Variants in RBPMS observed in about 807,000 individuals in gnomAD.
RBPMS encodes RNA-binding protein with multiple splicing.
RBPMS carries 7 observed loss-of-function variants against 26.8 expected under a neutral mutation model. That is an observed-to-expected ratio of 0.26 (90% CI 0.15 to 0.49). RBPMS has a LOEUF of 0.49. Ranked by LOEUF, RBPMS falls within the 20% of genes least tolerant of loss-of-function variation. The pLI, the probability that RBPMS is intolerant of heterozygous loss-of-function variation, is 0.98. For synonymous variants in RBPMS, 96 were observed against 93.3 expected, an observed-to-expected ratio of 1.03 and a Z score of -0.17; for missense variants, 186 against 250.0, an observed-to-expected ratio of 0.74 and a Z score of 1.73.
chr8:30,412,210 AG>A (rs2150583947), intron 1 of RBPMS, among the ~76,000 whole-genome samples: 1 of 152,294 alleles, frequency 6.6e-6, no homozygotes, highest in South Asian at 2.1e-4. Context: ...TGATAGTAGC[AG>A]GGCTTTCACA....
intron 1 of RBPMS, among the ~76,000 whole-genome samples, chr8:30,455,846 C>T (rs1161367084): frequency 5.9e-5 from 9 of 152,096 alleles, no homozygotes; most frequent in African/African-American, 9.6e-5. Context: ...GCTGAGATCA[C>T]GCCACTGCAC....
intron 5 of RBPMS, among the ~76,000 whole-genome samples, chr8:30,507,211 T>C (rs562915444): frequency 5.4e-4 from 83 of 152,360 alleles, no homozygotes; most frequent in Non-Finnish European, 1.1e-3. Context: ...TCGATAATTC[T>C]GCCAATTATT....
In RBPMS at chr8:30,555,951, G is replaced by A. The variant is rs895833298; in HGVS notation, c.529-2936G>A. On this transcript the variant is annotated intron_variant, in intron 6 of 8. Transcript: ENST00000397323. The stretch of plus-strand genomic sequence containing the variant: ...GCCCGAACTCTGCTGTGCACCATGA[G>A]CCCTGCCGCTCTGCCGGCTGTGGTG... 4.1e-6 allele frequency: 4 copies of A among 985,328 alleles called. No homozygotes were observed. The African/African-American group carries it at 5.2e-5, about 13-fold the overall frequency. The allele number at this position is 985,328 out of a possible 1,614,324, so 61.0% of individuals were successfully genotyped here. A position where few individuals can be genotyped will look rare whatever the true frequency, so the allele number is the denominator to read the frequency against.
chr8:30,451,837 G>A (rs146360824), intron 1 of RBPMS, among the ~76,000 whole-genome samples: 3 of 152,218 alleles, frequency 2.0e-5, no homozygotes, highest in Non-Finnish European at 2.9e-5. Context: ...ACTGGGGGAC[G>A]GCAGGCAAAT....
intron 1 of RBPMS, among the ~76,000 whole-genome samples, chr8:30,431,651 G>T (rs552602360): frequency 6.6e-6 from 1 of 152,082 alleles, no homozygotes; most frequent in Non-Finnish European, 1.5e-5. Context: ...AGGTTTCTCC[G>T]TGTTGGCTAG....
At chr8:30,539,628 C>A (rs1440230152) in intron 5 of RBPMS, among the ~76,000 whole-genome samples, 3 of 140,060 alleles carry the variant, frequency 2.1e-5, no homozygotes, top group Non-Finnish European at 4.7e-5. Context: ...TTTAAAAAAT[C>A]TTTTCTTTTT....
chr8:30,555,152 C>CT lies in RBPMS; in HGVS notation c.529-3734dup, dbSNP rs1167435556. ...TCTAGCATTCCATTTGATTTTTACTCTGAGTTGCTTCTTTTTCTGGGTATC... is the reference window on the plus strand; with the variant it reads ...TCTAGCATTCCATTTGATTTTTACTCTTGAGTTGCTTCTTTTTCTGGGTATC... On this transcript the variant is annotated intron_variant, in intron 6 of 8. Transcript: ENST00000397323. Among the ~76,000 whole-genome samples the CT allele has an allele frequency of 9.2e-5, 14 of 152,146 alleles. No individual in the cohort carries two copies. In the East Asian group the frequency reaches 1.3e-3, roughly 15 times the overall value.
At chr8:30,514,680 CTTTTTT>C (rs577244764) in intron 5 of RBPMS, among the ~76,000 whole-genome samples, 6 of 82,650 alleles carry the variant, frequency 7.3e-5, no homozygotes, top group African/African-American at 5.3e-5. Flanking sequence ...CCATGCCGGG[CTTTTTT>C]TTTTTTTTTT....
intron 1 of RBPMS, among the ~76,000 whole-genome samples, chr8:30,395,407 G>A (rs929380087): frequency 3.5e-4 from 14 of 40,268 alleles, no homozygotes; most frequent in African/African-American, 2.9e-3. Flanking sequence ...CGAGGCGGCT[G>A]TGAGCCATGA....
intron 1 of RBPMS, among the ~76,000 whole-genome samples, chr8:30,465,171 C>T (rs1043004639): frequency 6.6e-6 from 1 of 152,188 alleles, no homozygotes; most frequent in Non-Finnish European, 1.5e-5. Context: ...GATTTGACAA[C>T]CATGTTTCTT....
intron 1 of RBPMS, among the ~76,000 whole-genome samples, chr8:30,462,078 G>T (rs932620937): frequency 6.6e-6 from 1 of 151,038 alleles, no homozygotes; most frequent in Non-Finnish European, 1.5e-5. Context: ...TATCTAATTT[G>T]TTTAACCATT....
At chr8:30,436,925 C>CTTTTT (rs370802180) in intron 1 of RBPMS, among the ~76,000 whole-genome samples, 1 of 140,048 alleles carries the variant, frequency 7.1e-6, no homozygotes, top group African/African-American at 2.7e-5. Flanking sequence ...ATATATGTAG[C>CTTTTT]TTTTTTTTTT....
intron 5 of RBPMS, among the ~76,000 whole-genome samples, chr8:30,536,064 T>G (rs553569353): frequency 3.3e-5 from 5 of 151,790 alleles, no homozygotes; most frequent in Admixed American, 3.3e-4. Context: ...GATACAGCAG[T>G]AAGCACAACA....
intron 1 of RBPMS, among the ~76,000 whole-genome samples, chr8:30,427,731 G>T (rs1387618752): frequency 6.6e-6 from 1 of 152,170 alleles, no homozygotes; most frequent in Non-Finnish European, 1.5e-5. Flanking sequence ...AGATATGTTT[G>T]CCATCCAGAG....
chr8:30,511,485 AAATATATATATAT>A (rs1474147629), intron 5 of RBPMS, among the ~76,000 whole-genome samples: 892 of 6,114 alleles, frequency 0.15, 31 homozygotes, highest in East Asian at 0.25. Flanking sequence ...AAAAAAAAAA[AAATATATATATAT>A]ATATATATAT....
chr8:30,434,817 T>C (rs759477406), intron 1 of RBPMS, among the ~76,000 whole-genome samples: 14 of 150,824 alleles, frequency 9.3e-5, no homozygotes, highest in Non-Finnish European at 1.8e-4. Flanking sequence ...TTCTCAAGAA[T>C]AGTTTTCTCT....
intron 6 of RBPMS, among the ~76,000 whole-genome samples, chr8:30,546,509 A>G (rs755777501): frequency 2.4e-4 from 36 of 152,362 alleles, no homozygotes; most frequent in Admixed American, 7.8e-4. Flanking sequence ...GTAAGGAAGG[A>G]TGGGGAGAGA....
intron 1 of RBPMS, among the ~76,000 whole-genome samples, chr8:30,422,270 C>T (rs942588610): frequency 6.6e-6 from 1 of 151,894 alleles, no homozygotes; most frequent in African/African-American, 2.4e-5. Flanking sequence ...CACCCTCCAT[C>T]ATGTCTGGCT....
intron 1 of RBPMS, among the ~76,000 whole-genome samples, chr8:30,463,523 T>A (rs1816178046): frequency 6.6e-6 from 1 of 152,250 alleles, no homozygotes; most frequent in Non-Finnish European, 1.5e-5. Context: ...ATTCAAGAGC[T>A]GCTTCTGCTA....
Sources: allele counts gnomAD v4.1 joint callset (sites outside exome capture counted in the v4.1 genomes callset), GRCh38; gene constraint gnomAD v4.1.1; transcripts MANE v1.5; gene names NCBI Gene and HGNC (gene_info 2026-07-23, HGNC 2026-07-21).